The following HEATR5B variants were observed in gnomAD, a reference collection of about 807,000 sequenced individuals.
HEATR5B encodes the protein HEAT repeat containing 5B.
A neutral mutation model predicts 224.1 loss-of-function variants in HEATR5B; 156 were observed. The observed-to-expected ratio is 0.70, with a 90% CI of 0.61 to 0.80. The LOEUF is 0.80. Ranked by LOEUF, HEATR5B falls within the 30% of genes least tolerant of loss-of-function variation. The probability of loss-of-function intolerance (pLI) is 0.00; values close to 1 mark genes in which losing one functional copy is unlikely to be tolerated. For missense variants in HEATR5B, 2,323 were observed against 2,535.5 expected, an observed-to-expected ratio of 0.92 and a Z score of 1.80; for synonymous variants, 1,027 against 893.0, an observed-to-expected ratio of 1.15 and a Z score of -2.68.
intron 18 of HEATR5B, among the ~76,000 whole-genome samples, chr2:37,042,658 A>T (rs1476254033): frequency 6.6e-6 from 1 of 152,148 alleles, no homozygotes; most frequent in East Asian, 1.9e-4. Context: ...TTGGGAAGCC[A>T]AGGCAAGTGG....
In HEATR5B at chr2:37,012,297, GAAT is replaced by G. The variant is rs1667835501; in HGVS notation, c.4284+1541_4284+1543del. ...ATTTAGGTTATTTCCACTTTTTTGTGAATAATAACACCATAACAAATACCCTTG... is the reference window on the plus strand; with the variant it reads ...ATTTAGGTTATTTCCACTTTTTTGTGAATAACACCATAACAAATACCCTTG... On this transcript the variant is annotated intron_variant, in intron 27 of 35. Transcript: ENST00000233099. 2.6e-5 allele frequency among the ~76,000 whole-genome samples: 4 copies of G among 151,986 alleles called. No individual in the cohort carries two copies. In the South Asian group the frequency reaches 8.3e-4, roughly 32 times the overall value.
chr2:37,066,043 T>C (rs542163797), intron 8 of HEATR5B, 133 bp from the exon 9 acceptor site: 11 of 704,398 alleles, frequency 1.6e-5, no homozygotes, highest in East Asian at 1.1e-4. Context: ...TATTTCTCAA[T>C]AGAAAACTTG....
At chr2:37,032,808 T>C (rs778749171) in intron 21 of HEATR5B, 35 bp from the exon 22 acceptor site, 2 of 1,577,806 alleles carry the variant, frequency 1.3e-6, no homozygotes, top group Non-Finnish European at 1.7e-6. Flanking sequence ...GATTTCTCTT[T>C]AAAAAGCTGT....
At chr2:37,067,390 T>A (rs778688455) in intron 8 of HEATR5B, among the ~76,000 whole-genome samples, 6 of 152,244 alleles carry the variant, frequency 3.9e-5, no homozygotes, top group Non-Finnish European at 5.9e-5. Context: ...AGATGACTAT[T>A]TTAGCATATT....
chr2:36,988,273 T>G (rs1369826051), intron 35 of HEATR5B, among the ~76,000 whole-genome samples: 1 of 150,934 alleles, frequency 6.6e-6, no homozygotes, highest in Non-Finnish European at 1.5e-5. Flanking sequence ...TTTCTTTTCT[T>G]TTTTTTTTGA....
chr2:36,993,693 T>C (rs1175738463), intron 33 of HEATR5B, among the ~76,000 whole-genome samples: 1 of 152,178 alleles, frequency 6.6e-6, no homozygotes, highest in East Asian at 1.9e-4. Flanking sequence ...AACAAAGTTA[T>C]TAAAGTTAAG....
chr2:37,047,169 T>A (rs1174844134), intron 18 of HEATR5B, among the ~76,000 whole-genome samples: 2 of 148,636 alleles, frequency 1.3e-5, no homozygotes, highest in Non-Finnish European at 3.0e-5. Flanking sequence ...CACAGCAGGA[T>A]CCCATCTCAA....
intron 22 of HEATR5B, among the ~76,000 whole-genome samples, chr2:37,030,114 T>A (rs1383083251): frequency 6.6e-6 from 1 of 151,998 alleles, no homozygotes. Context: ...TAAGAATGAG[T>A]ATTATTACGC....
At chr2:37,080,576 G>A (rs985546233) in intron 2 of HEATR5B, among the ~76,000 whole-genome samples, 4 of 152,124 alleles carry the variant, frequency 2.6e-5, no homozygotes, top group Non-Finnish European at 5.9e-5. Flanking sequence ...GGATGAAATG[G>A]TCATTTCCTG....
Position 37,060,678 on chromosome 2 carries a change from A to G in HEATR5B, c.1752T>C (p.Val584=). The G allele has an allele frequency of 6.2e-7, 1 of 1,614,010 alleles. No homozygotes were observed. Among genetic ancestry groups the G allele is most frequent in the East Asian group, 2.2e-5 (1 of 44,868 alleles). The change falls in exon 12 of 36, where the codon GTT becomes GTC. Residue 584 remains valine, a synonymous_variant. Coordinates refer to ENST00000233099, the MANE Select transcript of HEATR5B (RefSeq NM_019024.3). ...LPKMLLLWRN[V]FPRSLKELEA... is the part of the protein sequence containing the mutation. ...CCAATTCCTTTAAGGAACGTGGGAA[A>G]ACATTTCGCCACAATAACAACATCT... is the stretch of plus-strand genomic sequence containing the variant.
rs1309258357 is a variant in HEATR5B at position 37,002,540 on chromosome 2, C to T, written c.5083G>A (p.Val1695Ile). 31 of 1,613,972 alleles carry T rather than the reference C, an allele frequency of 1.9e-5. No individual in the cohort carries two copies. Among genetic ancestry groups the T allele is most frequent in the East Asian group, 8.9e-5 (4 of 44,886 alleles). The change falls in exon 32 of 36, where the codon GTA (valine) becomes ATA (isoleucine). Residue 1695 changes from valine (V) to isoleucine (I), a missense_variant. By Grantham distance (29) the Val-to-Ile change is conservative (BLOSUM62 3). Around this residue, in one of 12 missense-constraint regions of HEATR5B, gnomAD observed 844 missense variants for 812.9 expected, o/e 1.04. Coordinates refer to ENST00000233099, the MANE Select transcript of HEATR5B (RefSeq NM_019024.3). ...EDDMEKEACT[V>I]LGEGGDSGGL... is the part of the protein sequence containing the mutation. The stretch of plus-strand genomic sequence containing the variant: ...CCGCTGTCACCTCCTTCTCCCAATA[C>T]GGTACAGGCCTCTTTTTCCATATCA...
At chr2:37,074,051 G>A (rs138844202) in intron 5 of HEATR5B, among the ~76,000 whole-genome samples, 227 of 152,306 alleles carry the variant, frequency 1.5e-3, no homozygotes, top group African/African-American at 5.3e-3. Flanking sequence ...GCCGGGTGTG[G>A]TGGCTCACGC....
intron 24 of HEATR5B, among the ~76,000 whole-genome samples, chr2:37,022,308 A>G (rs1668513355): frequency 6.6e-6 from 1 of 151,864 alleles, no homozygotes; most frequent in African/African-American, 2.4e-5. Flanking sequence ...CCTCCCAAGG[A>G]GCTGGGATTA....
Position 37,007,059 on chromosome 2 carries a change from G to A in HEATR5B, c.4768C>T (p.Leu1590=). 6.2e-7 allele frequency: 1 copy of A among 1,613,696 alleles called. No homozygotes were observed. Among genetic ancestry groups the A allele is most frequent in the Non-Finnish European group, 8.5e-7 (1 of 1,179,658 alleles). ...LPEINKDRMH[L]ILGVSIQFLC... ...AATATGACAGACCTACCTAAAATCA[G>A]ATGCATTCTGTCTTTGTTAATTTCT... The change falls in exon 29 of 36, where the codon CTG becomes TTG. Residue 1590 remains leucine, a synonymous_variant. Coordinates refer to ENST00000233099, the MANE Select transcript of HEATR5B (RefSeq NM_019024.3).
At chr2:37,005,805 T>G (rs1667378685) in intron 29 of HEATR5B, 46 bp from the exon 30 acceptor site, 6 of 1,421,576 alleles carry the variant, frequency 4.2e-6, no homozygotes, top group Non-Finnish European at 5.7e-6. Flanking sequence ...TATAAAACAC[T>G]TTATGTTGTT....
intron 33 of HEATR5B, among the ~76,000 whole-genome samples, chr2:36,992,628 A>G (rs916301066): frequency 6.6e-6 from 1 of 151,876 alleles, no homozygotes; most frequent in African/African-American, 2.4e-5. Context: ...AACCCTGAAA[A>G]CCCCATCATA....
rs761030768 is a variant in HEATR5B, at chr2:37,084,259, G to A, written c.-23+10C>T. ...CGTGCGTGTCAACATGCATGCTTCG[G>A]CGACCTCACCTCGTAGTCTGGAAGG... On this transcript the variant is annotated intron_variant, in intron 1 of 35. Coordinates refer to ENST00000233099, the MANE Select transcript of HEATR5B (RefSeq NM_019024.3). The A allele has an allele frequency of 3.0e-4, 115 of 388,640 alleles. No homozygotes were observed. The highest frequency in any genetic ancestry group is 4.4e-4 in the Non-Finnish European group (96 of 220,028). 24.1% of individuals were successfully genotyped at this position (388,640 alleles called of 1,614,324 possible).
intron 28 of HEATR5B, 92 bp downstream of exon 28, chr2:37,008,519 T>C (rs758519155): frequency 4.6e-6 from 4 of 860,224 alleles, no homozygotes; most frequent in Non-Finnish European, 7.9e-6. Flanking sequence ...ACTGTTACTA[T>C]AGCAACTGTT....
Position 37,053,529 on chromosome 2 carries a change from T to TA in HEATR5B, c.2477dup (p.Phe827IlefsTer6). On this transcript the variant is annotated frameshift_variant, in exon 17 of 36. Transcript: ENST00000233099. LOFTEE classifies it high-confidence loss of function. ...TTAGTGCACTAAGAACAGCAGTAAA[T>TA]ATGTTAAGCTGCACAGCCTGCTGGC... The TA allele has an allele frequency of 6.2e-7, 1 of 1,605,818 alleles. No homozygotes were observed. The highest frequency in any genetic ancestry group is 8.5e-7 in the Non-Finnish European group (1 of 1,174,100).
Sources: allele counts gnomAD v4.1 joint callset (sites outside exome capture counted in the v4.1 genomes callset), GRCh38; gene constraint gnomAD v4.1.1; regional missense constraint gnomAD v4.1.1; transcripts MANE v1.5; gene names NCBI Gene and HGNC (gene_info 2026-07-23, HGNC 2026-07-21).